DPH6: variants seen among roughly 807,000 people sequenced by gnomAD.
The protein encoded by DPH6 is diphthine--ammonia ligase.
A neutral mutation model predicts 38.2 loss-of-function variants in DPH6; 33 were observed. That is an observed-to-expected ratio of 0.86 (90% CI 0.65 to 1.15). The LOEUF (loss-of-function observed/expected upper bound fraction) is 1.15. Among genes scored for constraint, DPH6 ranks in the 50% most tolerant of loss-of-function variants. The pLI is 0.00. For missense variants in DPH6, 325 were observed against 320.0 expected, an observed-to-expected ratio of 1.02 and a Z score of -0.12; for synonymous variants, 108 against 103.0, an observed-to-expected ratio of 1.05 and a Z score of -0.30.
At chr15:35,514,697 CA>C (rs1330905425) in intron 3 of DPH6, among the ~76,000 whole-genome samples, 1 of 151,970 alleles carries the variant, frequency 6.6e-6, no homozygotes, top group Non-Finnish European at 1.5e-5. Flanking sequence ...TGGGGAAGAC[CA>C]GGGGAGAGAA....
At chr15:35,505,985 C>G (rs934879188) in intron 3 of DPH6, among the ~76,000 whole-genome samples, 1 of 152,086 alleles carries the variant, frequency 6.6e-6, no homozygotes, top group African/African-American at 2.4e-5. Context: ...TGACATCTGA[C>G]ATTGCAAAGT....
chr15:35,517,442 T>G (rs1343515154), intron 3 of DPH6, among the ~76,000 whole-genome samples: 2 of 152,134 alleles, frequency 1.3e-5, no homozygotes, highest in Non-Finnish European at 2.9e-5. Flanking sequence ...TCAATTTTTT[T>G]CTTTGGTAGA....
chr15:35,388,231 G>A (rs1374148204), intron 6 of DPH6, among the ~76,000 whole-genome samples: 1 of 152,148 alleles, frequency 6.6e-6, no homozygotes, highest in Non-Finnish European at 1.5e-5. Context: ...ATGTGCTGCT[G>A]GATTCGGTTT....
the DPH6 span, among the ~76,000 whole-genome samples, chr15:35,152,827 G>A: frequency 6.6e-6 from 1 of 152,118 alleles, no homozygotes. Flanking sequence ...GAGATGAGAG[G>A]AAGAAGTTAG....
chr15:35,249,603 T>C (rs1177913189), intron 3 of DPH6, among the ~76,000 whole-genome samples: 1 of 152,168 alleles, frequency 6.6e-6, no homozygotes, highest in Non-Finnish European at 1.5e-5. Flanking sequence ...CAAGGATGTC[T>C]CTCTGCAGGT....
chr15:35,439,224 C>A (rs1025135860), intron 5 of DPH6, among the ~76,000 whole-genome samples: 6 of 152,166 alleles, frequency 3.9e-5, no homozygotes, highest in African/African-American at 1.4e-4. Flanking sequence ...ATGGAATGGA[C>A]CGAACTAATG....
chr15:35,393,917 G>C (rs996951023), intron 6 of DPH6, among the ~76,000 whole-genome samples: 1 of 152,034 alleles, frequency 6.6e-6, no homozygotes, highest in African/African-American at 2.4e-5. Flanking sequence ...CTGATATAGA[G>C]AACTTAGTAT....
intron 3 of DPH6, chr15:35,520,237 A>C (rs1595438786): frequency 2.5e-6 from 2 of 812,702 alleles, no homozygotes; most frequent in South Asian, 5.7e-5. Context: ...AAACAAAAAA[A>C]AAACAAAAGA....
At chr15:35,475,530 T>C (rs963556246) in intron 3 of DPH6, among the ~76,000 whole-genome samples, 1 of 151,996 alleles carries the variant, frequency 6.6e-6, no homozygotes, top group Non-Finnish European at 1.5e-5. Context: ...GCTATGCTAT[T>C]GTGGAAACAT....
intron 6 of DPH6, among the ~76,000 whole-genome samples, chr15:35,382,165 T>G (rs954000601): frequency 1.4e-4 from 22 of 152,184 alleles, no homozygotes; most frequent in African/African-American, 3.6e-4. Context: ...GCCAGGCGCG[T>G]TGGCTCACGC....
chr15:35,338,998 C>A (rs1184471132), intron 3 of DPH6, among the ~76,000 whole-genome samples: 1 of 150,936 alleles, frequency 6.6e-6, no homozygotes, highest in Non-Finnish European at 1.5e-5. Context: ...CACTTGGACA[C>A]AGGAAGGGGA....
intron 7 of DPH6, among the ~76,000 whole-genome samples, chr15:35,377,390 TAC>T (rs1427787003): frequency 2.6e-5 from 4 of 152,136 alleles, no homozygotes; most frequent in Non-Finnish European, 5.9e-5. Flanking sequence ...GTAGCAGTAA[TAC>T]AGTGATACTG....
At chr15:35,529,901 A>G (rs2055061454) in intron 3 of DPH6, among the ~76,000 whole-genome samples, 2 of 151,062 alleles carry the variant, frequency 1.3e-5, no homozygotes, top group African/African-American at 4.9e-5. Flanking sequence ...CTAACCAAAA[A>G]TAAAAAATAA....
intron 3 of DPH6, among the ~76,000 whole-genome samples, chr15:35,313,847 G>T (rs895625371): frequency 1.2e-4 from 18 of 152,210 alleles, no homozygotes; most frequent in East Asian, 9.7e-4. Flanking sequence ...ACTACTAGAA[G>T]AAAACATTGG....
intron 6 of DPH6, among the ~76,000 whole-genome samples, chr15:35,398,439 T>A (rs1206964139): frequency 6.6e-6 from 1 of 152,126 alleles, no homozygotes; most frequent in East Asian, 1.9e-4. Flanking sequence ...CACACCTACA[T>A]AATGAAGCCT....
At chr15:35,402,590 A>G (rs1321305053) in intron 6 of DPH6, among the ~76,000 whole-genome samples, 2 of 152,182 alleles carry the variant, frequency 1.3e-5, no homozygotes, top group Non-Finnish European at 2.9e-5. Context: ...TTGGAAAATG[A>G]GAAAATGGTC....
chr15:35,167,828 A>G, the DPH6 span, among the ~76,000 whole-genome samples: 2 of 151,956 alleles, frequency 1.3e-5, no homozygotes. Flanking sequence ...CACCTACCCA[A>G]ATTATGATGG....
the DPH6 span, among the ~76,000 whole-genome samples, chr15:35,163,910 G>C: frequency 6.6e-6 from 1 of 151,762 alleles, no homozygotes; most frequent in Non-Finnish European, 1.5e-5. Flanking sequence ...AGAAAAGGAA[G>C]TTCTACTCAT....
At chr15:35,400,679 C>T (rs2053205556) in intron 6 of DPH6, 1 of 642,876 alleles carries the variant, frequency 1.6e-6, no homozygotes, top group East Asian at 2.6e-5. Flanking sequence ...AGTCTCTCTT[C>T]CCCCTGCCAT....
Sources: allele counts gnomAD v4.1 joint callset (sites outside exome capture counted in the v4.1 genomes callset), GRCh38; gene constraint gnomAD v4.1.1; transcripts MANE v1.5; gene names NCBI Gene and HGNC (gene_info 2026-07-23, HGNC 2026-07-21).